Variants in AKR1C8 observed in about 807,000 individuals in gnomAD.
AKR1C8 encodes the protein aldo-keto reductase family 1 member C-like protein 1.
the AKR1C8 span, among the ~76,000 whole-genome samples, chr10:5,143,659 A>G: frequency 9.5e-4 from 142 of 149,920 alleles, no homozygotes; most frequent in African/African-American, 3.4e-3. Flanking sequence ...TATATATAAT[A>G]CATGTGTAAA....
At chr10:5,176,762 T>C in the AKR1C8 span, among the ~76,000 whole-genome samples, 2 of 152,076 alleles carry the variant, frequency 1.3e-5, no homozygotes, top group African/African-American at 4.8e-5. Context: ...AGTTCACTCA[T>C]GATTTGGCTC....
At chr10:5,125,774 G>C in the AKR1C8 span, among the ~76,000 whole-genome samples, 1 of 152,178 alleles carries the variant, frequency 6.6e-6, no homozygotes, top group Non-Finnish European at 1.5e-5. Flanking sequence ...ACACCATCAT[G>C]AGAGCTGGTG....
At chr10:5,127,782 T>G in the AKR1C8 span, among the ~76,000 whole-genome samples, 15 of 146,610 alleles carry the variant, frequency 1.0e-4, no homozygotes, top group African/African-American at 3.8e-4. Context: ...AATATGAGAT[T>G]ATGTAAAACA....
At chr10:5,143,883 T>TGAG in the AKR1C8 span, among the ~76,000 whole-genome samples, 2 of 152,022 alleles carry the variant, frequency 1.3e-5, no homozygotes, top group Admixed American at 1.3e-4. Flanking sequence ...ATGACCACTC[T>TGAG]AATCTAACCA....
At chr10:5,123,380 A>AT in the AKR1C8 span, 1 of 326,246 alleles carries the variant, frequency 3.1e-6, no homozygotes, top group Non-Finnish European at 6.1e-6. Flanking sequence ...TCACTTGTGC[A>AT]TTTTTGCCAT....
chr10:5,132,183 G>C, the AKR1C8 span, among the ~76,000 whole-genome samples: 4 of 152,050 alleles, frequency 2.6e-5, no homozygotes, highest in South Asian at 2.1e-4. Flanking sequence ...AGTGTTGGGG[G>C]AGGTTGGGAG....
chr10:5,176,958 A>C, the AKR1C8 span, among the ~76,000 whole-genome samples: 8 of 152,112 alleles, frequency 5.3e-5, no homozygotes. Flanking sequence ...TTCCAATTGA[A>C]TACCCTTTAT....
At chr10:5,140,921 C>G in the AKR1C8 span, among the ~76,000 whole-genome samples, 6 of 152,106 alleles carry the variant, frequency 3.9e-5, no homozygotes, top group African/African-American at 1.4e-4. Flanking sequence ...TCTGAAATGA[C>G]TGTGGCAATT....
the AKR1C8 span, chr10:5,162,051 T>C: frequency 4.2e-6 from 2 of 470,850 alleles, no homozygotes; most frequent in South Asian, 3.2e-5. Flanking sequence ...TGGTCAGACA[T>C]TGAGATATGA....
At chr10:5,173,584 C>T in the AKR1C8 span, among the ~76,000 whole-genome samples, 1 of 150,726 alleles carries the variant, frequency 6.6e-6, no homozygotes, top group African/African-American at 2.4e-5. Context: ...CTTATACAGC[C>T]AAAAAAGACT....
At chr10:5,183,640 C>T in the AKR1C8 span, among the ~76,000 whole-genome samples, 9 of 152,220 alleles carry the variant, frequency 5.9e-5, no homozygotes, top group South Asian at 1.9e-3. Flanking sequence ...CCAGAAAAGT[C>T]AACACCCAAT....
chr10:5,159,631 G>T, the AKR1C8 span, among the ~76,000 whole-genome samples: 1 of 152,018 alleles, frequency 6.6e-6, no homozygotes, highest in South Asian at 2.1e-4. Flanking sequence ...ACCATCCCGA[G>T]CTCCAGACCA....
chr10:5,121,982 C>T, the AKR1C8 span: 16 of 222,288 alleles, frequency 7.2e-5, no homozygotes, highest in African/African-American at 3.8e-4. Flanking sequence ...TGTTTCACCC[C>T]ATGCCTGAAT....
the AKR1C8 span, among the ~76,000 whole-genome samples, chr10:5,161,053 G>GTA: frequency 2.0e-5 from 3 of 152,138 alleles, no homozygotes; most frequent in Non-Finnish European, 4.4e-5. Context: ...GTGCATGTGT[G>GTA]TATATATATG....
At chr10:5,167,216 G>T in the AKR1C8 span, among the ~76,000 whole-genome samples, 1 of 152,336 alleles carries the variant, frequency 6.6e-6, no homozygotes, top group South Asian at 2.1e-4. Flanking sequence ...CCTTATGGAA[G>T]TCAGTATGGT....
the AKR1C8 span, among the ~76,000 whole-genome samples, chr10:5,148,125 C>G: frequency 1.3e-5 from 2 of 152,014 alleles, no homozygotes; most frequent in Admixed American, 1.3e-4. Flanking sequence ...GTGGCTGCTA[C>G]GTGGGGGCTT....
the AKR1C8 span, among the ~76,000 whole-genome samples, chr10:5,149,212 T>C: frequency 6.6e-6 from 1 of 152,114 alleles, no homozygotes; most frequent in East Asian, 1.9e-4. Flanking sequence ...TGAGAAGCAA[T>C]GGACAAGTGT....
the AKR1C8 span, among the ~76,000 whole-genome samples, chr10:5,152,950 C>A: frequency 6.6e-6 from 1 of 151,734 alleles, no homozygotes; most frequent in Non-Finnish European, 1.5e-5. Context: ...TATGACAAAG[C>A]TGTTCAATGT....
At chr10:5,182,655 A>G in the AKR1C8 span, among the ~76,000 whole-genome samples, 4 of 152,142 alleles carry the variant, frequency 2.6e-5, no homozygotes, top group Admixed American at 6.6e-5. Context: ...TATGCCTGTA[A>G]TCCTAGCACT....
Sources: gnomAD v4.1 joint callset for allele counts (sites outside exome capture counted in the v4.1 genomes callset) on GRCh38, gnomAD v4.1.1 for gene constraint, MANE v1.5 for transcripts, NCBI Gene and HGNC (gene_info 2026-07-23, HGNC 2026-07-21) for gene names.